The following ERC1 variants were observed in gnomAD, a reference collection of about 807,000 sequenced individuals.
ERC1 encodes RAB6 interacting protein 2.
In ERC1, 56 loss-of-function variants were observed where a neutral mutation model predicts 132.0. The ratio of observed to expected loss-of-function variants is 0.42; its 90% CI spans 0.34 to 0.53. ERC1 has a LOEUF of 0.53. Among genes scored for constraint, ERC1 ranks in the 20% least tolerant of loss-of-function variants. The probability of loss-of-function intolerance (pLI) is 0.03; values close to 1 mark genes in which losing one functional copy is unlikely to be tolerated. For synonymous variants in ERC1, 478 were observed against 476.1 expected (o/e 1.00, Z -0.05); for missense variants, 1,202 against 1,349.9 (o/e 0.89, Z 1.72).
intron 3 of ERC1, among the ~76,000 whole-genome samples, chr12:1,095,448 T>C (rs1440121262): frequency 2.0e-5 from 3 of 151,852 alleles, no homozygotes; most frequent in Non-Finnish European, 4.4e-5. Context: ...AAATATAAAT[T>C]AGTCATTATT....
chr12:1,272,058 CTG>C (rs2077895291), intron 14 of ERC1, among the ~76,000 whole-genome samples: 1 of 152,182 alleles, frequency 6.6e-6, no homozygotes, highest in Non-Finnish European at 1.5e-5. Flanking sequence ...AAGGTGGACT[CTG>C]GAGTTAGAAA....
chr12:1,304,779 C>CTTTTTTTTTTTTTTTT lies in ERC1; in HGVS notation c.2780+14780_2780+14795dup, dbSNP rs1186965322. On this transcript the variant is annotated intron_variant, in intron 15 of 18. Transcript: ENST00000360905. ...GTGAAGTCTTCTGTTTGTTGTAACT[C>CTTTTTTTTTTTTTTTT]TTTTTTTTTTTTTTTTTTTTTTTTT... Among the ~76,000 whole-genome samples, 7 of 70,082 alleles carry CTTTTTTTTTTTTTTTT rather than the reference C, an allele frequency of 1.0e-4. 2 individuals are homozygous for CTTTTTTTTTTTTTTTT. Among genetic ancestry groups the CTTTTTTTTTTTTTTTT allele is most frequent in the Admixed American group, 3.5e-4 (2 of 5,704 alleles). The allele number at this position is 70,082 out of a possible 152,430, so 46.0% of individuals were successfully genotyped here. A position where few individuals can be genotyped will look rare whatever the true frequency, so the allele number is the denominator to read the frequency against.
At chr12:1,209,318 C>G (rs530681987) in intron 12 of ERC1, among the ~76,000 whole-genome samples, 1 of 151,984 alleles carries the variant, frequency 6.6e-6, no homozygotes, top group African/African-American at 2.4e-5. Context: ...ATGTATTGTT[C>G]CCTATGATTA....
At chr12:1,260,813 G>A (rs192449412) in intron 13 of ERC1, among the ~76,000 whole-genome samples, 2 of 152,182 alleles carry the variant, frequency 1.3e-5, no homozygotes, top group African/African-American at 4.8e-5. Flanking sequence ...ACATCGAAAT[G>A]TTATGTGACT....
chr12:1,333,017 TTCGTCCTGATCC>T (rs144580264), intron 15 of ERC1, among the ~76,000 whole-genome samples: 20,550 of 101,358 alleles, frequency 0.2, 1,894 homozygotes, highest in African/African-American at 0.26. Flanking sequence ...TACTTTATAA[TTCGTCCTGATCC>T]TCGTCCTGAT....
intron 1 of ERC1, chr12:991,891 A>G (rs753035874): frequency 2.1e-5 from 3 of 140,560 alleles, no homozygotes; most frequent in African/African-American, 5.3e-5. Context: ...TGAGCTGTGC[A>G]TGTTGCCTTT....
chr12:1,327,966 C>G (rs2082577401), intron 15 of ERC1, among the ~76,000 whole-genome samples: 1 of 152,088 alleles, frequency 6.6e-6, no homozygotes, highest in Admixed American at 6.5e-5. Flanking sequence ...CCTCTCATAG[C>G]TTTTTCAACC....
intron 15 of ERC1, among the ~76,000 whole-genome samples, chr12:1,347,238 A>T (rs1042505165): frequency 3.3e-5 from 5 of 152,202 alleles, no homozygotes; most frequent in Non-Finnish European, 7.3e-5. Flanking sequence ...AAAATTAACT[A>T]CTTTGAAAAG....
chr12:1,066,377 G>C (rs1043926812), intron 2 of ERC1, among the ~76,000 whole-genome samples: 3 of 152,124 alleles, frequency 2.0e-5, no homozygotes, highest in African/African-American at 7.2e-5. Flanking sequence ...TAAAATAATG[G>C]CTTTAAACTG....
At chr12:1,093,665 T>C (rs1355780960) in intron 3 of ERC1, among the ~76,000 whole-genome samples, 1 of 152,024 alleles carries the variant, frequency 6.6e-6, no homozygotes, top group Non-Finnish European at 1.5e-5. Context: ...GTCTGTATTT[T>C]AATCAACAAA....
chr12:1,322,279 C>T (rs1594987267), intron 15 of ERC1, among the ~76,000 whole-genome samples: 1 of 152,246 alleles, frequency 6.6e-6, no homozygotes, highest in African/African-American at 2.4e-5. Context: ...AGTAGGCTCT[C>T]ACTACATGCT....
intron 1 of ERC1, among the ~76,000 whole-genome samples, chr12:1,016,623 T>C (rs1965545180): frequency 6.6e-6 from 1 of 150,386 alleles, no homozygotes; most frequent in Admixed American, 6.7e-5. Context: ...TTGGGATCAG[T>C]GCTTTTCTTT....
intron 7 of ERC1, among the ~76,000 whole-genome samples, chr12:1,139,400 A>C (rs1016099595): frequency 2.6e-5 from 4 of 152,198 alleles, no homozygotes; most frequent in Admixed American, 1.3e-4. Context: ...CATAAGAGTA[A>C]TGATGCTGGC....
intron 18 of ERC1, among the ~76,000 whole-genome samples, chr12:1,452,830 A>G (rs982607755): frequency 4.6e-5 from 7 of 152,344 alleles, no homozygotes; most frequent in South Asian, 2.1e-4. Flanking sequence ...CTGTCAGGCC[A>G]TTAGCATTGG....
intron 17 of ERC1, among the ~76,000 whole-genome samples, chr12:1,438,991 G>A (rs1310377658): frequency 2.0e-5 from 3 of 149,408 alleles, no homozygotes; most frequent in Admixed American, 6.7e-5. Flanking sequence ...ATCTTTCAAC[G>A]GACAAAAGAT....
intron 15 of ERC1, among the ~76,000 whole-genome samples, chr12:1,333,009 C>T (rs35579512): frequency 0.43 from 56,705 of 132,130 alleles, 10,965 homozygotes; most frequent in Middle Eastern, 0.47. Context: ...CCTTTAGTTA[C>T]TTTATAATTC....
intron 4 of ERC1, among the ~76,000 whole-genome samples, chr12:1,109,445 TCTTA>T (rs1329333027): frequency 1.3e-5 from 2 of 152,204 alleles, no homozygotes; most frequent in Admixed American, 6.5e-5. Context: ...TTTGAAACCC[TCTTA>T]CTTTTTTCCC....
chr12:1,216,017 A>G (rs898285389), intron 12 of ERC1, among the ~76,000 whole-genome samples: 2 of 152,182 alleles, frequency 1.3e-5, no homozygotes, highest in Non-Finnish European at 2.9e-5. Context: ...GTTAAAGACT[A>G]TTTGGAAATG....
intron 16 of ERC1, among the ~76,000 whole-genome samples, chr12:1,382,394 A>C (rs1489587595): frequency 6.6e-6 from 1 of 152,222 alleles, no homozygotes. Flanking sequence ...TCTCGTGACC[A>C]TGTCAGATGC....
Sources: gnomAD v4.1 joint callset for allele counts (sites outside exome capture counted in the v4.1 genomes callset) on GRCh38, gnomAD v4.1.1 for gene constraint, MANE v1.5 for transcripts, NCBI Gene and HGNC (gene_info 2026-07-23, HGNC 2026-07-21) for gene names.